Variants in SBF2 observed in about 807,000 individuals in gnomAD.
SBF2 encodes myotubularin-related protein 13.
A neutral mutation model predicts 225.2 loss-of-function variants in SBF2; 112 were observed. That is an observed-to-expected ratio of 0.50 (90% confidence interval 0.43 to 0.58). SBF2 has a LOEUF of 0.58. SBF2 is among the 20% of genes least tolerant of loss of function. The probability of loss-of-function intolerance (pLI) is 0.00; values close to 1 mark genes in which losing one functional copy is unlikely to be tolerated. For missense variants in SBF2, 1,996 were observed against 2,206.2 expected (o/e 0.90, Z 1.91); for synonymous variants, 763 against 773.3 (o/e 0.99, Z 0.22).
chr11:9,999,328 TGTA>T lies in SBF2; in HGVS notation c.862-952_862-950del, dbSNP rs879464226. ...ATGTATGTATGTATGTATGTATGTA[TGTA>T]TTTATTTTTGAGACAGAGTCTTACT... is the stretch of plus-strand genomic sequence containing the variant. On this transcript the variant is annotated intron_variant, in intron 8 of 39. Transcript: ENST00000256190. Among the ~76,000 whole-genome samples the T allele has an allele frequency of 6.5e-3, 899 of 138,778 alleles. 7 individuals carry two copies. Among genetic ancestry groups the T allele is most frequent in the African/African-American group, 0.022 (848 of 38,142 alleles). 91.0% of individuals were successfully genotyped at this position (138,778 alleles called of 152,430 possible). A position where few individuals can be genotyped will look rare whatever the true frequency, so the allele number is the denominator to read the frequency against.
chr11:10,061,496 A>C (rs1009456194), intron 2 of SBF2, among the ~76,000 whole-genome samples: 2 of 152,248 alleles, frequency 1.3e-5, no homozygotes, highest in African/African-American at 4.8e-5. Context: ...GCAAAGTTGC[A>C]GGATACAAAA....
At chr11:9,840,699 T>G (rs979305083) in intron 25 of SBF2, among the ~76,000 whole-genome samples, 1 of 152,218 alleles carries the variant, frequency 6.6e-6, no homozygotes, top group Non-Finnish European at 1.5e-5. Flanking sequence ...TTATTAGAAA[T>G]TTCTGGATTA....
chr11:10,028,698 T>C, intron 5 of SBF2, 141 bp from the exon 6 acceptor site: 1 of 671,770 alleles, frequency 1.5e-6, no homozygotes. Context: ...ACAATGTATA[T>C]CCCAAAACAT....
intron 22 of SBF2, 74 bp downstream of exon 22, chr11:9,849,949 C>G: frequency 7.3e-7 from 1 of 1,365,660 alleles, no homozygotes; most frequent in Non-Finnish European, 1.0e-6. Context: ...ATCTGCAAAT[C>G]ACTGTGCACA....
At chr11:9,924,972 C>T (rs1165076776) in intron 16 of SBF2, among the ~76,000 whole-genome samples, 1 of 152,032 alleles carries the variant, frequency 6.6e-6, no homozygotes, top group Non-Finnish European at 1.5e-5. Flanking sequence ...TGGTCTTGAA[C>T]TCCTGGGCTC....
intron 28 of SBF2, among the ~76,000 whole-genome samples, chr11:9,821,048 C>T (rs1854723010): frequency 6.6e-6 from 1 of 152,142 alleles, no homozygotes; most frequent in Non-Finnish European, 1.5e-5. Flanking sequence ...TATTAAAGCC[C>T]TCAAAATCAT....
intron 2 of SBF2, among the ~76,000 whole-genome samples, chr11:10,117,349 G>A (rs1009388878): frequency 3.3e-5 from 5 of 150,444 alleles, no homozygotes; most frequent in African/African-American, 1.2e-4. Flanking sequence ...GCTGAGGCAG[G>A]AGAACTGCTT....
At chr11:9,991,428 C>A (rs754148351) in intron 12 of SBF2, among the ~76,000 whole-genome samples, 1 of 152,088 alleles carries the variant, frequency 6.6e-6, no homozygotes, top group Non-Finnish European at 1.5e-5. Context: ...ATATTTAAGA[C>A]CTTGATTCCT....
At chr11:9,851,451 G>C (rs993760485) in intron 21 of SBF2, among the ~76,000 whole-genome samples, 2 of 151,946 alleles carry the variant, frequency 1.3e-5, no homozygotes, top group Non-Finnish European at 2.9e-5. Context: ...AAATATGGAC[G>C]AGCTTTTAAC....
intron 2 of SBF2, among the ~76,000 whole-genome samples, chr11:10,077,232 G>C (rs1056750109): frequency 3.9e-5 from 6 of 152,278 alleles, no homozygotes; most frequent in African/African-American, 1.4e-4. Context: ...ACGGCTCAAA[G>C]TAATTTATAG....
Position 9,993,105 on chromosome 11 carries a change from TA to T in SBF2, c.1054-3del. 6.3e-7 allele frequency: 1 copy of T among 1,594,034 alleles called. No individual in the cohort carries two copies. Among genetic ancestry groups the T allele is most frequent in the Non-Finnish European group, 8.6e-7 (1 of 1,164,736 alleles). ...GAAAACGGCTCGCACCTCTTTATCC[TA>T]AAAATATAAGAAGAAATGTTAGGTA... On this transcript the variant is annotated splice_region_variant and splice_polypyrimidine_tract_variant and intron_variant, in intron 10 of 39. Coordinates refer to ENST00000256190, the MANE Select transcript of SBF2 (RefSeq NM_030962.4).
intron 1 of SBF2, among the ~76,000 whole-genome samples, chr11:10,220,561 T>C (rs1173138742): frequency 6.6e-6 from 1 of 152,194 alleles, no homozygotes; most frequent in Non-Finnish European, 1.5e-5. Flanking sequence ...CCTGACTTGG[T>C]ATCCCTACCT....
intron 1 of SBF2, among the ~76,000 whole-genome samples, chr11:10,301,397 T>A (rs72851648): frequency 0.1 from 15,181 of 152,206 alleles, 915 homozygotes; most frequent in Non-Finnish European, 0.11. Flanking sequence ...CTTCTCCTTG[T>A]AAGTGATCAA....
intron 32 of SBF2, among the ~76,000 whole-genome samples, chr11:9,806,673 T>C (rs973057932): frequency 7.2e-5 from 11 of 152,220 alleles, no homozygotes; most frequent in South Asian, 2.1e-4. Context: ...GACAGATCAA[T>C]TGAAATTCGT....
rs769919130 is a variant in SBF2 at position 9,787,635 on chromosome 11, C to T, written c.5036G>A (p.Arg1679His). The change falls in exon 36 of 40, where the codon CGC (arginine) becomes CAC (histidine). Residue 1679 changes from arginine to histidine, a missense_variant and splice_region_variant. By Grantham distance (29) the Arg-to-His change is conservative. Transcript: ENST00000256190. ...VDLKEEPRTD[R>H]SQRHLSRSPG... ...TCTCAAGGGGCATTGCCAACTCACG[C>T]GATCTGTTCTTGGTTCTTCTTTAAG... 19 of 1,613,828 alleles carry T rather than the reference C, an allele frequency of 1.2e-5. No homozygotes were observed. Among genetic ancestry groups the T allele is most frequent in the Middle Eastern group, 1.6e-4 (1 of 6,062 alleles).
chr11:10,037,625 G>T (rs899564179), intron 3 of SBF2, among the ~76,000 whole-genome samples: 2 of 145,454 alleles, frequency 1.4e-5, no homozygotes, highest in African/African-American at 5.0e-5. Context: ...CTAGTGTACA[G>T]CAACTTTTGT....
intron 2 of SBF2, among the ~76,000 whole-genome samples, chr11:10,185,985 T>C (rs1411690824): frequency 6.6e-6 from 1 of 152,206 alleles, no homozygotes; most frequent in African/African-American, 2.4e-5. Flanking sequence ...TAAGACACAG[T>C]TACCCTAGTT....
chr11:9,910,524 C>T (rs955297689), intron 16 of SBF2, among the ~76,000 whole-genome samples: 2 of 151,972 alleles, frequency 1.3e-5, no homozygotes, highest in African/African-American at 4.8e-5. Context: ...AGTAGGTATT[C>T]TAGAAGGCAC....
intron 2 of SBF2, among the ~76,000 whole-genome samples, chr11:10,083,002 C>G (rs1054184260): frequency 1.3e-5 from 2 of 152,146 alleles, no homozygotes; most frequent in African/African-American, 2.4e-5. Flanking sequence ...CCAAAAGACT[C>G]CTGTATTTGA....
Sources: allele counts gnomAD v4.1 joint callset (sites outside exome capture counted in the v4.1 genomes callset), GRCh38; gene constraint gnomAD v4.1.1; transcripts MANE v1.5; gene names NCBI Gene and HGNC (gene_info 2026-07-23, HGNC 2026-07-21).